The following CFAP210 variants were observed in gnomAD, a reference collection of about 807,000 sequenced individuals.
CFAP210 encodes the protein cilia and flagella associated protein 210.
the CFAP210 span, among the ~76,000 whole-genome samples, chr2:169,682,184 T>G: frequency 6.6e-6 from 1 of 151,304 alleles, no homozygotes; most frequent in Non-Finnish European, 1.5e-5. Flanking sequence ...CGATCAAGGT[T>G]CTTAATTACT....
At chr2:169,652,761 C>G in the CFAP210 span, among the ~76,000 whole-genome samples, 2 of 150,720 alleles carry the variant, frequency 1.3e-5, no homozygotes, top group Admixed American at 1.3e-4. Context: ...TTTGGGAGGC[C>G]GAGGCGGGCG....
chr2:169,689,191 A>C, the CFAP210 span, among the ~76,000 whole-genome samples: 1 of 152,176 alleles, frequency 6.6e-6, no homozygotes, highest in Non-Finnish European at 1.5e-5. Flanking sequence ...CCCACAACTC[A>C]TGGGAATTTT....
At chr2:169,660,544 C>T in the CFAP210 span, among the ~76,000 whole-genome samples, 1 of 149,300 alleles carries the variant, frequency 6.7e-6, no homozygotes. Flanking sequence ...TTGGTTTGCT[C>T]TTGCTTTTCT....
the CFAP210 span, among the ~76,000 whole-genome samples, chr2:169,678,701 T>A: frequency 6.6e-6 from 1 of 151,900 alleles, no homozygotes; most frequent in Non-Finnish European, 1.5e-5. Context: ...GGTGCGGGCC[T>A]GTATTCCCAG....
At chr2:169,670,186 T>G in the CFAP210 span, among the ~76,000 whole-genome samples, 40,863 of 152,112 alleles carry the variant, frequency 0.27, 5,724 homozygotes, top group Non-Finnish European at 0.31. Context: ...AAAGAAGACC[T>G]ATACAGTGTC....
the CFAP210 span, among the ~76,000 whole-genome samples, chr2:169,647,737 A>G: frequency 1.3e-5 from 2 of 152,262 alleles, no homozygotes; most frequent in Non-Finnish European, 2.9e-5. Flanking sequence ...CATCAAAGAT[A>G]CTATCAATGG....
the CFAP210 span, chr2:169,662,337 C>T: frequency 1.2e-6 from 2 of 1,604,084 alleles, no homozygotes; most frequent in Non-Finnish European, 1.7e-6. Flanking sequence ...GTTTTTTTCT[C>T]ATTTCAATTT....
chr2:169,650,763 T>A, the CFAP210 span, among the ~76,000 whole-genome samples: 2 of 151,244 alleles, frequency 1.3e-5, no homozygotes, highest in South Asian at 4.2e-4. Flanking sequence ...TGTGTGTGTG[T>A]GTGTGTGTTT....
the CFAP210 span, chr2:169,674,987 C>T: frequency 1.5e-5 from 23 of 1,542,850 alleles, no homozygotes; most frequent in Non-Finnish European, 2.0e-5. Context: ...GTCTTTCTGC[C>T]TCTATTTCTT....
At chr2:169,691,847 T>A in the CFAP210 span, among the ~76,000 whole-genome samples, 1 of 152,240 alleles carries the variant, frequency 6.6e-6, no homozygotes, top group Non-Finnish European at 1.5e-5. Flanking sequence ...CTTTGTCACA[T>A]GTGGCCACTG....
the CFAP210 span, among the ~76,000 whole-genome samples, chr2:169,664,414 T>C: frequency 6.6e-6 from 1 of 152,156 alleles, no homozygotes; most frequent in African/African-American, 2.4e-5. Flanking sequence ...ATTTACCTAT[T>C]CTAAGAATAA....
chr2:169,670,337 A>C, the CFAP210 span, among the ~76,000 whole-genome samples: 2 of 152,168 alleles, frequency 1.3e-5, no homozygotes, highest in Non-Finnish European at 2.9e-5. Flanking sequence ...GAGTCACACA[A>C]AGACTCTTAT....
the CFAP210 span, among the ~76,000 whole-genome samples, chr2:169,663,573 G>T: frequency 2.0e-5 from 3 of 151,974 alleles, no homozygotes; most frequent in African/African-American, 2.4e-5. Context: ...TTCAGGGAAG[G>T]GAAAATTCCC....
the CFAP210 span, among the ~76,000 whole-genome samples, chr2:169,650,796 T>A: frequency 6.7e-6 from 1 of 150,040 alleles, no homozygotes; most frequent in Non-Finnish European, 1.5e-5. Flanking sequence ...CTTAAAATTA[T>A]CTACACTGAA....
At chr2:169,680,969 C>G in the CFAP210 span, 25 of 1,532,610 alleles carry the variant, frequency 1.6e-5, no homozygotes, top group Middle Eastern at 8.5e-4. Flanking sequence ...AAGAGTAAGT[C>G]TTCAGTGCAT....
chr2:169,670,127 CA>C, the CFAP210 span, among the ~76,000 whole-genome samples: 1 of 152,066 alleles, frequency 6.6e-6, no homozygotes, highest in Admixed American at 6.5e-5. Flanking sequence ...TTTTCTTAAG[CA>C]AAGTCTATGT....
chr2:169,681,850 G>A, the CFAP210 span, among the ~76,000 whole-genome samples: 1 of 152,186 alleles, frequency 6.6e-6, no homozygotes, highest in African/African-American at 2.4e-5. Context: ...ACATCCAAAA[G>A]ACTCTCAAGC....
At chr2:169,649,405 GAA>G in the CFAP210 span, 1 of 1,469,904 alleles carries the variant, frequency 6.8e-7, no homozygotes, top group Non-Finnish European at 9.3e-7. Context: ...AGTCTTGTCT[GAA>G]AAGGCACAGA....
At chr2:169,680,303 T>C in the CFAP210 span, among the ~76,000 whole-genome samples, 18 of 152,194 alleles carry the variant, frequency 1.2e-4, no homozygotes, top group African/African-American at 4.1e-4. Context: ...AAGATTATTA[T>C]TGGGAATGCA....
Sources: allele counts gnomAD v4.1 joint callset (sites outside exome capture counted in the v4.1 genomes callset), GRCh38; gene constraint gnomAD v4.1.1; transcripts MANE v1.5; gene names NCBI Gene and HGNC (gene_info 2026-07-23, HGNC 2026-07-21).